Variants in ITGAX observed in about 807,000 individuals in gnomAD.
ITGAX encodes integrin subunit alpha X, also known as integrin alpha-X.
ITGAX carries 99 observed loss-of-function variants against 140.2 expected under a neutral mutation model. The observed-to-expected ratio is 0.71, with a 90% CI of 0.60 to 0.83. The LOEUF (loss-of-function observed/expected upper bound fraction) is 0.83, where lower values mean the gene tolerates loss of function less well. Ranked by LOEUF, ITGAX falls within the 40% of genes least tolerant of loss-of-function variation. ITGAX has a pLI of 0.00. For missense variants in ITGAX, 1,444 were observed against 1,482.0 expected, an observed-to-expected ratio of 0.97 and a Z score of 0.42; for synonymous variants, 631 against 600.4, an observed-to-expected ratio of 1.05 and a Z score of -0.75.
intron 9 of ITGAX, chr16:31,361,583 C>T: frequency 2.8e-6 from 2 of 712,224 alleles, no homozygotes; most frequent in South Asian, 3.5e-5. Flanking sequence ...ACACCTGGCC[C>T]CCTCGGGTCT....
intron 17 of ITGAX, 60 bp downstream of exon 17, chr16:31,371,844 G>A: frequency 6.3e-7 from 1 of 1,580,506 alleles, no homozygotes; most frequent in African/African-American, 1.3e-5. Flanking sequence ...GGCAGGGCAG[G>A]GAGAGAACAG....
At chr16:31,380,222 T>C in intron 26 of ITGAX, 44 bp from the exon 27 acceptor site, 1 of 1,594,380 alleles carries the variant, frequency 6.3e-7, no homozygotes. Flanking sequence ...CCTCCCACCT[T>C]CACACTCATC....
In ITGAX at chr16:31,377,074, G is replaced by A; in HGVS notation, c.2700G>A (p.Val900=). 1 of 1,614,184 alleles carries A rather than the reference G, an allele frequency of 6.2e-7. No homozygotes were observed. The highest frequency in any genetic ancestry group is 8.5e-7 in the Non-Finnish European group (1 of 1,180,032). Residue 900 remains valine (V), a synonymous_variant, in exon 22 of 30, where the codon GTG becomes GTA. Coordinates refer to ENST00000268296, the MANE Select transcript of ITGAX (RefSeq NM_000887.5). ...LGDRLLLTAN[V]SSENNTPRTS... ...ACCGGCTGCTTCTGACAGCCAATGTGAGCAGGTGAGCCGGGCCAGGCCAGG... is the reference window on the plus strand; with the variant it reads ...ACCGGCTGCTTCTGACAGCCAATGTAAGCAGGTGAGCCGGGCCAGGCCAGG...
intron 26 of ITGAX, 77 bp downstream of exon 26, chr16:31,380,142 T>A: frequency 1.3e-6 from 2 of 1,548,092 alleles, no homozygotes; most frequent in Non-Finnish European, 1.8e-6. Context: ...ATGTTCCATA[T>A]CCATCCTGCT....
intron 25 of ITGAX, 24 bp downstream of exon 25, chr16:31,379,888 C>T: frequency 6.2e-7 from 1 of 1,611,100 alleles, no homozygotes; most frequent in Non-Finnish European, 8.5e-7. Context: ...GCATGTGGCT[C>T]CTCCACGAAT....
chr16:31,370,994 G>T, intron 14 of ITGAX, 90 bp from the exon 15 acceptor site: 1 of 1,545,896 alleles, frequency 6.5e-7, no homozygotes. Flanking sequence ...CTCCCTTTCC[G>T]ATGGTCCTAC....
In ITGAX at chr16:31,362,389, T is replaced by G. The variant is rs1402301473; in HGVS notation, c.1216+185T>G. On this transcript the variant is annotated intron_variant, in intron 11 of 29. Transcript: ENST00000268296. ...TTCTGGGGAGGGGGGATGGGGGCTG[T>G]GCTGCCTGGGGTGGGGGTCCAGGGT... Among the ~76,000 whole-genome samples, 5 of 38,936 alleles carry G rather than the reference T, an allele frequency of 1.3e-4. No homozygotes were observed. The Admixed American group carries it at 1.8e-3, about 14-fold the overall frequency. 25.5% of individuals were successfully genotyped at this position (38,936 alleles called of 152,430 possible).
chr16:31,371,047 C>T, intron 14 of ITGAX, 37 bp from the exon 15 acceptor site: 1 of 1,612,976 alleles, frequency 6.2e-7, no homozygotes, highest in Non-Finnish European at 8.5e-7. Flanking sequence ...TCTTCCCCTA[C>T]TTTCCATCTT....
At chr16:31,379,445 C>T in intron 23 of ITGAX, 123 bp from the exon 24 acceptor site, 1 of 935,638 alleles carries the variant, frequency 1.1e-6, no homozygotes, top group Admixed American at 2.3e-5. Flanking sequence ...CTAACTCAGC[C>T]ACAGCCCTCA....
chr16:31,361,115 C>A lies in ITGAX; in HGVS notation c.914C>A (p.Ala305Glu), dbSNP rs2080819741. 6.2e-7 allele frequency: 1 copy of A among 1,613,560 alleles called. No homozygotes were observed. The highest frequency in any genetic ancestry group is 1.7e-5 in the Admixed American group (1 of 59,912). Reference sequence around the variant, plus strand: ...TCTTGGAAAGAATTAAATGACATTGCATCGAAGCCCTCCCAGGAACACATA... The same window carrying A: ...TCTTGGAAAGAATTAAATGACATTGAATCGAAGCCCTCCCAGGAACACATA... Reference protein sequence around the residue: ...RNSWKELNDIASKPSQEHIFK... With the variant: ...RNSWKELNDIESKPSQEHIFK... Residue 305 changes from alanine (A) to glutamate (E), a missense_variant, in exon 9 of 30, where the codon GCA becomes GAA. Ala to Glu is a moderately radical substitution (Grantham distance 107). Coordinates refer to ENST00000268296, the MANE Select transcript of ITGAX (RefSeq NM_000887.5).
Position 31,379,793 on chromosome 16 carries a change from A to G in ITGAX, c.2905A>G (p.Ile969Val). 6.2e-7 allele frequency: 1 copy of G among 1,614,152 alleles called. No homozygotes were observed. Among genetic ancestry groups the G allele is most frequent in the East Asian group, 2.2e-5 (1 of 44,872 alleles). ...GGGACAGAGGGACCTGCCTGTCAGC[A>G]TCAACTTCTGGGTGCCTGTGGAGCT... Reference protein sequence around the residue: ...NLGQRDLPVSINFWVPVELNQ... With the variant: ...NLGQRDLPVSVNFWVPVELNQ... Residue 969 changes from isoleucine to valine, a missense_variant, in exon 25 of 30, where the codon ATC becomes GTC. By Grantham distance (29) the Ile-to-Val change is conservative. Coordinates refer to ENST00000268296, the MANE Select transcript of ITGAX (RefSeq NM_000887.5).
rs772120474 is a variant in ITGAX, at chr16:31,379,756, G to C, written c.2869-1G>C. 1 of 1,613,442 alleles carries C rather than the reference G, an allele frequency of 6.2e-7. No individual in the cohort carries two copies. Among genetic ancestry groups the C allele is most frequent in the Non-Finnish European group, 8.5e-7 (1 of 1,179,702 alleles). Reference sequence around the variant, plus strand: ...CTCTGCCCTCAGTGCCCTCTGTGCAGGTCAATAACCTGGGACAGAGGGACC... The same window carrying C: ...CTCTGCCCTCAGTGCCCTCTGTGCACGTCAATAACCTGGGACAGAGGGACC... On this transcript the variant is annotated splice_acceptor_variant, in intron 24 of 29. Transcript: ENST00000268296. LOFTEE classifies it high-confidence loss of function.
chr16:31,369,572 C>T (rs758509295), intron 14 of ITGAX, among the ~76,000 whole-genome samples: 6 of 152,152 alleles, frequency 3.9e-5, no homozygotes, highest in South Asian at 4.1e-4. Context: ...ATCAGTCAGC[C>T]GTGTCACCAT....
intron 5 of ITGAX, 108 bp from the exon 6 acceptor site, chr16:31,359,592 G>A: frequency 2.2e-6 from 3 of 1,343,546 alleles, no homozygotes; most frequent in Admixed American, 4.2e-5. Context: ...CCAGACTAGG[G>A]GCTTAGGGGA....
intron 8 of ITGAX, 49 bp downstream of exon 8, chr16:31,360,512 C>T: frequency 6.6e-7 from 1 of 1,513,282 alleles, no homozygotes; most frequent in Non-Finnish European, 9.0e-7. Flanking sequence ...CCTCTCAGGG[C>T]AACTCCCCTT....
rs756171873 is a variant in ITGAX at position 31,360,426 on chromosome 16, T to C, written c.824T>C (p.Met275Thr). ...DSLDYKDVIP[M>T]ADAAGIIRYA... The stretch of plus-strand genomic sequence containing the variant: ...CTGGATTATAAGGATGTCATCCCCA[T>C]GGCTGATGCAGCAGGCATCATCCGC... Residue 275 changes from methionine (M) to threonine (T), a missense_variant, in exon 8 of 30, where the codon ATG becomes ACG. By Grantham distance (81) the Met-to-Thr change is moderately conservative. Transcript: ENST00000268296. The C allele has an allele frequency of 1.4e-5, 22 of 1,613,688 alleles. No homozygotes were observed. The South Asian group carries it at 2.2e-4, about 16-fold the overall frequency.
chr16:31,362,528 T>C (rs1200634857), intron 11 of ITGAX, 83 bp from the exon 12 acceptor site: 33 of 1,283,220 alleles, frequency 2.6e-5, no homozygotes, highest in Non-Finnish European at 2.9e-5. Flanking sequence ...GGAGGGGAGA[T>C]GGTGCTGTGC....
chr16:31,376,959 T>G, intron 21 of ITGAX, 41 bp from the exon 22 acceptor site: 1 of 1,613,494 alleles, frequency 6.2e-7, no homozygotes. Context: ...TGCCCCACCC[T>G]GTCTTTACTG....
intron 14 of ITGAX, among the ~76,000 whole-genome samples, chr16:31,365,298 C>A (rs568694724): frequency 6.6e-6 from 1 of 152,082 alleles, no homozygotes; most frequent in South Asian, 2.1e-4. Context: ...GTAGTGGTTT[C>A]ACAACTCTCT....
Sources: allele counts gnomAD v4.1 joint callset (sites outside exome capture counted in the v4.1 genomes callset), GRCh38; gene constraint gnomAD v4.1.1; transcripts MANE v1.5; gene names NCBI Gene and HGNC (gene_info 2026-07-23, HGNC 2026-07-21).